The following SWAP70 variants were observed in gnomAD, a reference collection of about 807,000 sequenced individuals.
SWAP70 encodes the protein switch-associated protein 70.
In SWAP70, 34 loss-of-function variants were observed where a neutral mutation model predicts 80.2. The ratio of observed to expected loss-of-function variants is 0.42; its 90% CI spans 0.32 to 0.56. SWAP70 has a LOEUF of 0.56. SWAP70 is among the 20% of genes least tolerant of loss of function. SWAP70 has a pLI of 0.09. For missense variants in SWAP70, 578 were observed against 690.7 expected (o/e 0.84, Z 1.83); for synonymous variants, 239 against 238.5 (o/e 1.00, Z -0.02).
At chr11:9,713,407 G>C in intron 2 of SWAP70, 59 bp from the exon 3 acceptor site, 1 of 1,504,618 alleles carries the variant, frequency 6.6e-7, no homozygotes, top group Non-Finnish European at 8.9e-7. Context: ...TATTTTACTT[G>C]CCTTAGATAC....
At chr11:9,672,215 A>ATG (rs1850426106) in intron 1 of SWAP70, among the ~76,000 whole-genome samples, 1 of 132,516 alleles carries the variant, frequency 7.5e-6, no homozygotes, top group Non-Finnish European at 1.6e-5. Flanking sequence ...ATATATATAT[A>ATG]TATATATATA....
intron 3 of SWAP70, chr11:9,719,981 T>C (rs1851115051): frequency 1.3e-6 from 1 of 748,392 alleles, no homozygotes. Flanking sequence ...ATCACATGCA[T>C]CTTGAAAGTT....
chr11:9,732,427 G>C, intron 6 of SWAP70, 102 bp from the exon 7 acceptor site: 5 of 1,184,430 alleles, frequency 4.2e-6, no homozygotes, highest in Non-Finnish European at 6.0e-6. Context: ...GGGCCTTCTG[G>C]CTCCCTGTCT....
chr11:9,667,210 T>G (rs1850318057), intron 1 of SWAP70, among the ~76,000 whole-genome samples: 1 of 151,054 alleles, frequency 6.6e-6, no homozygotes, highest in Non-Finnish European at 1.5e-5. Flanking sequence ...GTAGCTAATC[T>G]AGAACCAAGA....
chr11:9,729,218 A>G (rs76803283), intron 5 of SWAP70, 125 bp from the exon 6 acceptor site: 5 of 667,528 alleles, frequency 7.5e-6, no homozygotes, highest in Non-Finnish European at 1.3e-5. Context: ...TTAGTAAATC[A>G]GTAATATGAA....
At chr11:9,742,397 C>T (rs978945481) in intron 9 of SWAP70, among the ~76,000 whole-genome samples, 1 of 151,568 alleles carries the variant, frequency 6.6e-6, no homozygotes, top group Admixed American at 6.6e-5. Flanking sequence ...AGTGCAGTGG[C>T]GTGATCTCGG....
At chr11:9,671,758 A>ATTTATAAATATAAATATAT (rs1565109872) in intron 1 of SWAP70, among the ~76,000 whole-genome samples, 1 of 34,814 alleles carries the variant, frequency 2.9e-5, no homozygotes, top group African/African-American at 7.7e-5. Flanking sequence ...ATAAATATAT[A>ATTTATAAATATAAATATAT]AATATATAAT....
chr11:9,717,455 G>A (rs1469543502), intron 3 of SWAP70, among the ~76,000 whole-genome samples: 1 of 152,028 alleles, frequency 6.6e-6, no homozygotes, highest in Non-Finnish European at 1.5e-5. Context: ...GCAACATGGT[G>A]AAACCCTGTG....
At chr11:9,744,004 C>G (rs1291848152) in intron 9 of SWAP70, among the ~76,000 whole-genome samples, 2 of 151,392 alleles carry the variant, frequency 1.3e-5, no homozygotes, top group South Asian at 2.1e-4. Context: ...GCTCTGTCAC[C>G]CAGACTGGAG....
rs553901386 is a variant in SWAP70 at position 9,706,582 on chromosome 11, C to T, written c.241-6884C>T. 1.2e-4 allele frequency among the ~76,000 whole-genome samples: 18 copies of T among 152,154 alleles called. No individual in the cohort carries two copies. In the South Asian group the frequency reaches 3.5e-3, roughly 30 times the overall value. The stretch of plus-strand genomic sequence containing the variant: ...CTTTTGTCATTTCCCTGCCTCCTCC[C>T]GAGAGGAAGCCACCATCCTGAATTT... On this transcript the variant is annotated intron_variant, in intron 2 of 11. Coordinates refer to ENST00000318950, the MANE Select transcript of SWAP70 (RefSeq NM_015055.4).
intron 2 of SWAP70, among the ~76,000 whole-genome samples, chr11:9,707,363 G>A (rs1590029159): frequency 6.6e-6 from 1 of 151,732 alleles, no homozygotes; most frequent in Non-Finnish European, 1.5e-5. Flanking sequence ...TTTTTTTAAA[G>A]TGTGTTTGAT....
At position 9,667,234 on chromosome 11, in the gene SWAP70, G is replaced by T. The variant is rs531806043; in HGVS notation, c.99+2956G>T. On this transcript the variant is annotated intron_variant, in intron 1 of 11. Coordinates refer to ENST00000318950, the MANE Select transcript of SWAP70 (RefSeq NM_015055.4). ...CTAGAACCAAGATTTTCACACTTCT[G>T]TGTGTGTGTGTGTGTGAGAGAGAGA... Among the ~76,000 whole-genome samples, 279 of 150,938 alleles carry T rather than the reference G, an allele frequency of 1.8e-3. 1 individual carries two copies. Among genetic ancestry groups the T allele is most frequent in the African/African-American group, 6.4e-3 (264 of 41,170 alleles).
chr11:9,664,498 C>T (rs543937610), intron 1 of SWAP70, among the ~76,000 whole-genome samples: 2 of 152,354 alleles, frequency 1.3e-5, no homozygotes, highest in South Asian at 2.1e-4. Flanking sequence ...TGTGTTAGTT[C>T]CCGCGGGTCT....
At chr11:9,715,934 T>C (rs148850141) in intron 3 of SWAP70, among the ~76,000 whole-genome samples, 42 of 152,340 alleles carry the variant, frequency 2.8e-4, no homozygotes, top group African/African-American at 8.9e-4. Flanking sequence ...TGTATCTAAT[T>C]GGCATGGCCT....
intron 2 of SWAP70, among the ~76,000 whole-genome samples, chr11:9,707,479 C>T (rs901117527): frequency 3.3e-5 from 5 of 151,622 alleles, no homozygotes; most frequent in African/African-American, 9.7e-5. Context: ...CTATTGTCAC[C>T]TATGAGAGCA....
intron 1 of SWAP70, among the ~76,000 whole-genome samples, chr11:9,687,051 G>T (rs1565115537): frequency 6.6e-6 from 1 of 152,158 alleles, no homozygotes; most frequent in Non-Finnish European, 1.5e-5. Flanking sequence ...TTACTAGCAA[G>T]ATTAAGCATC....
intron 1 of SWAP70, among the ~76,000 whole-genome samples, chr11:9,673,756 G>A (rs759292370): frequency 1.7e-4 from 26 of 152,124 alleles, no homozygotes; most frequent in Non-Finnish European, 2.1e-4. Context: ...CCAGCTCCAA[G>A]ATAGAAAGGT....
chr11:9,739,215 T>C (rs985510075), intron 8 of SWAP70, among the ~76,000 whole-genome samples: 1 of 152,234 alleles, frequency 6.6e-6, no homozygotes, highest in African/African-American at 2.4e-5. Context: ...GCTGGTTAGC[T>C]GGAACACAGG....
chr11:9,675,346 CGAGAGAGAGAGAGA>C (rs1184480305), intron 1 of SWAP70, among the ~76,000 whole-genome samples: 2 of 8,410 alleles, frequency 2.4e-4, no homozygotes, highest in Admixed American at 2.4e-3. Context: ...AGAGAGGGAG[CGAGAGAGAGAGAGA>C]GAGAGAGAGA....
Sources: gnomAD v4.1 joint callset for allele counts (sites outside exome capture counted in the v4.1 genomes callset) on GRCh38, gnomAD v4.1.1 for gene constraint, MANE v1.5 for transcripts, NCBI Gene and HGNC (gene_info 2026-07-23, HGNC 2026-07-21) for gene names.